Variants in CRLS1 observed in about 807,000 individuals in gnomAD.
CRLS1 encodes the protein cardiolipin synthase 1, also known as cardiolipin synthase (CMP-forming).
In CRLS1, 24 loss-of-function variants were observed where a neutral mutation model predicts 37.0. That is an observed-to-expected ratio of 0.65 (90% CI 0.47 to 0.91). The LOEUF is 0.91. Ranked by LOEUF, CRLS1 falls within the 40% of genes least tolerant of loss-of-function variation. The pLI is 0.00. For synonymous variants in CRLS1, 135 were observed against 159.7 expected (o/e 0.85, Z 1.17); for missense variants, 373 against 395.8 (o/e 0.94, Z 0.49).
chr20:6,008,855 T>C (rs2095202736), intron 1 of CRLS1, among the ~76,000 whole-genome samples: 2 of 152,224 alleles, frequency 1.3e-5, no homozygotes, highest in Non-Finnish European at 2.9e-5. Context: ...TTTGGCCTTT[T>C]TTCCTGACAC....
intron 2 of CRLS1, among the ~76,000 whole-genome samples, chr20:6,011,484 C>CCTCTCTT (rs1435499181): frequency 6.7e-6 from 1 of 149,884 alleles, no homozygotes; most frequent in Non-Finnish European, 1.5e-5. Flanking sequence ...ATTGGCTTTA[C>CCTCTCTT]CTCTCTTTTT....
chr20:6,031,233 T>C, intron 3 of CRLS1, 52 bp from the exon 4 acceptor site: 1 of 1,211,886 alleles, frequency 8.3e-7, no homozygotes, highest in Non-Finnish European at 1.2e-6. Context: ...TCATAATGCA[T>C]ATTAGTACTC....
At chr20:6,030,229 T>A (rs1980048477) in intron 3 of CRLS1, among the ~76,000 whole-genome samples, 1 of 152,136 alleles carries the variant, frequency 6.6e-6, no homozygotes, top group Non-Finnish European at 1.5e-5. Flanking sequence ...GTGAAGCAAG[T>A]TCTCTGCCAT....
At chr20:6,011,713 G>A (rs1978331752) in intron 2 of CRLS1, among the ~76,000 whole-genome samples, 2 of 149,782 alleles carry the variant, frequency 1.3e-5, no homozygotes, top group African/African-American at 2.5e-5. Context: ...AGCCTCCTGG[G>A]TAGCTGGGAT....
intron 3 of CRLS1, among the ~76,000 whole-genome samples, chr20:6,020,030 T>C (rs927578390): frequency 2.0e-5 from 3 of 152,184 alleles, no homozygotes; most frequent in Non-Finnish European, 4.4e-5. Flanking sequence ...AAGATTCTTA[T>C]GTAATTAAAA....
At chr20:6,010,094 T>C (rs1040512837) in intron 2 of CRLS1, among the ~76,000 whole-genome samples, 182 bp downstream of exon 2, 2 of 151,716 alleles carry the variant, frequency 1.3e-5, no homozygotes, top group South Asian at 4.2e-4. Flanking sequence ...TTTTTTTTTT[T>C]CATATGATTT....
intron 1 of CRLS1, among the ~76,000 whole-genome samples, chr20:6,009,180 G>T (rs192338170): frequency 2.6e-5 from 4 of 152,054 alleles, no homozygotes; most frequent in East Asian, 1.9e-4. Context: ...AAAATTAGCT[G>T]GGCATGGTGG....
intron 3 of CRLS1, among the ~76,000 whole-genome samples, chr20:6,024,925 G>A (rs1979557837): frequency 6.6e-6 from 1 of 152,188 alleles, no homozygotes; most frequent in Admixed American, 6.5e-5. Context: ...GGCACAGAGA[G>A]GTGAAGAAGT....
At chr20:6,020,113 T>C (rs1979135727) in intron 3 of CRLS1, among the ~76,000 whole-genome samples, 1 of 152,252 alleles carries the variant, frequency 6.6e-6, no homozygotes, top group Non-Finnish European at 1.5e-5. Flanking sequence ...TCAAAAATAT[T>C]GTCATTTTAA....
chr20:6,010,847 T>G (rs1250091723), intron 2 of CRLS1, among the ~76,000 whole-genome samples: 2 of 152,046 alleles, frequency 1.3e-5, no homozygotes, highest in South Asian at 2.1e-4. Context: ...CAAGAGCCTA[T>G]CTCTACAAAA....
At chr20:6,010,051 G>T in intron 2 of CRLS1, 139 bp downstream of exon 2, 1 of 782,710 alleles carries the variant, frequency 1.3e-6, no homozygotes, top group Non-Finnish European at 1.9e-6. Context: ...TTTTTGTGAG[G>T]ACTTTGTCTT....
rs577401256 is a variant in CRLS1 at position 6,027,364 on chromosome 20, C to T, written c.575-3921C>T. Among the ~76,000 whole-genome samples, 14 of 149,538 alleles carry T rather than the reference C, an allele frequency of 9.4e-5. No homozygotes were observed. The East Asian group carries it at 1.8e-3, about 19-fold the overall frequency. On this transcript the variant is annotated intron_variant, in intron 3 of 6. Coordinates refer to ENST00000378863, the MANE Select transcript of CRLS1 (RefSeq NM_019095.6). ...CCTCCCAAAGTGCTGGGATTACAGG[C>T]GTGGGCCACCATGCCTGTTTTTGTT...
chr20:6,008,108 T>TA (rs1555792690), intron 1 of CRLS1, among the ~76,000 whole-genome samples: 4 of 137,974 alleles, frequency 2.9e-5, no homozygotes, highest in Non-Finnish European at 4.6e-5. Flanking sequence ...TTTTTTTTTT[T>TA]ACAGGATAGT....
At chr20:6,028,007 T>G (rs1979860084) in intron 3 of CRLS1, among the ~76,000 whole-genome samples, 2 of 152,234 alleles carry the variant, frequency 1.3e-5, no homozygotes, top group African/African-American at 4.8e-5. Context: ...TTATTCTCTT[T>G]GTGTTTTTAT....
rs761516547 is a variant in CRLS1, at chr20:6,024,284, A to G, written c.575-7001A>G. 3.9e-5 allele frequency among the ~76,000 whole-genome samples: 6 copies of G among 152,136 alleles called. No individual in the cohort carries two copies. The South Asian group carries it at 6.2e-4, about 16-fold the overall frequency. On this transcript the variant is annotated intron_variant, in intron 3 of 6. Coordinates refer to ENST00000378863, the MANE Select transcript of CRLS1 (RefSeq NM_019095.6). ...GTGTCACGTTATAATAATTCTGCCA[A>G]TATTCCAGATTTCGTCATTATTAAA...
intron 3 of CRLS1, among the ~76,000 whole-genome samples, chr20:6,027,621 G>T (rs1032972728): frequency 1.3e-5 from 2 of 148,590 alleles, no homozygotes; most frequent in East Asian, 4.0e-4. Context: ...TGCCATGTTG[G>T]CCAGGCTGGT....
At chr20:6,036,423 G>A (rs1186566086) in intron 6 of CRLS1, among the ~76,000 whole-genome samples, 2 of 152,218 alleles carry the variant, frequency 1.3e-5, no homozygotes, top group Non-Finnish European at 2.9e-5. Flanking sequence ...TGGGCATGCA[G>A]CATGCCATGG....
intron 3 of CRLS1, among the ~76,000 whole-genome samples, chr20:6,018,007 T>G (rs1009244203): frequency 6.6e-6 from 1 of 152,000 alleles, no homozygotes; most frequent in South Asian, 2.1e-4. Context: ...CACTTGAGAT[T>G]AGGAGTTCAA....
At chr20:6,017,750 G>A (rs1264563165) in intron 3 of CRLS1, among the ~76,000 whole-genome samples, 1 of 152,154 alleles carries the variant, frequency 6.6e-6, no homozygotes, top group Non-Finnish European at 1.5e-5. Flanking sequence ...CTGTTTGGAG[G>A]AATTTGCATC....
Sources: allele counts gnomAD v4.1 joint callset (sites outside exome capture counted in the v4.1 genomes callset), GRCh38; gene constraint gnomAD v4.1.1; transcripts MANE v1.5; gene names NCBI Gene and HGNC (gene_info 2026-07-23, HGNC 2026-07-21).